Variants in SPATA31D1 observed in about 807,000 individuals in gnomAD.
The protein encoded by SPATA31D1 is SPATA31 subfamily D member 1.
In SPATA31D1, 6 loss-of-function variants were observed where a neutral mutation model predicts 13.2. That is an observed-to-expected ratio of 0.46 (90% CI 0.25 to 0.90). SPATA31D1 has a LOEUF of 0.90. Ranked by LOEUF, SPATA31D1 falls within the 40% of genes least tolerant of loss-of-function variation. The pLI, the probability that SPATA31D1 is intolerant of heterozygous loss-of-function variation, is 0.18. For missense variants in SPATA31D1, 2,445 were observed against 1,884.7 expected, an observed-to-expected ratio of 1.30 and a Z score of -5.50; for synonymous variants, 903 against 718.8, an observed-to-expected ratio of 1.26 and a Z score of -4.10.
Position 81,992,661 on chromosome 9 carries a change from C to T in SPATA31D1, c.2191C>T (p.Pro731Ser), listed in dbSNP as rs750073015. ...ELSVSERIHG[P>S]LNISLVEGQR... is the part of the protein sequence containing the mutation. ...ATCTGTGTCAGAGAGAATTCATGGACCGTTAAATATCTCTTTGGTTGAGGG... is the reference window on the plus strand; with the variant it reads ...ATCTGTGTCAGAGAGAATTCATGGATCGTTAAATATCTCTTTGGTTGAGGG... Residue 731 changes from proline to serine, a missense_variant, in exon 4 of 4, where the codon CCG (proline) becomes TCG (serine). Transcript: ENST00000344803. 6.2e-7 allele frequency: 1 copy of T among 1,613,808 alleles called. No homozygotes were observed. The highest frequency in any genetic ancestry group is 8.5e-7 in the Non-Finnish European group (1 of 1,179,730).
In SPATA31D1 at chr9:81,990,819, A is replaced by T. The variant is rs747532691; in HGVS notation, c.349A>T (p.Thr117Ser). ...CAGTCCTCGGGGCCAGCATCATGAT[A>T]CCAACCACTTTCGTCGACTGTTATG... Reference protein sequence around the residue: ...SCSPRGQHHDTNHFRRLLCPD... With the variant: ...SCSPRGQHHDSNHFRRLLCPD... The change falls in exon 4 of 4, where the codon ACC (threonine) becomes TCC (serine). Residue 117 changes from threonine to serine, a missense_variant. Thr to Ser is a moderately conservative substitution (Grantham distance 58, BLOSUM62 1). Transcript: ENST00000344803. The T allele has an allele frequency of 7.4e-6, 12 of 1,613,658 alleles. No homozygotes were observed. In the South Asian group the frequency reaches 1.2e-4, roughly 16 times the overall value.
rs546182735 is a variant in SPATA31D1, at chr9:81,990,827, C to A, written c.357C>A (p.His119Gln). The change falls in exon 4 of 4, where the codon CAC becomes CAA. Residue 119 changes from histidine to glutamine, a missense_variant. By Grantham distance (24) the His-to-Gln change is conservative (BLOSUM62 0). Coordinates refer to ENST00000344803, the MANE Select transcript of SPATA31D1 (RefSeq NM_001001670.3). ...GGGGCCAGCATCATGATACCAACCACTTTCGTCGACTGTTATGCCCAGACC... is the reference window on the plus strand; with the variant it reads ...GGGGCCAGCATCATGATACCAACCAATTTCGTCGACTGTTATGCCCAGACC... ...SPRGQHHDTN[H>Q]FRRLLCPDPV... 177 of 1,613,832 alleles carry A rather than the reference C, an allele frequency of 1.1e-4. No homozygotes were observed. Among genetic ancestry groups the A allele is most frequent in the Non-Finnish European group, 2.4e-5 (28 of 1,179,814 alleles).
chr9:81,989,218 T>A (rs1294176547), intron 1 of SPATA31D1, among the ~76,000 whole-genome samples: 1 of 152,188 alleles, frequency 6.6e-6, no homozygotes, highest in Non-Finnish European at 1.5e-5. Context: ...TAGTTTTCCA[T>A]GTGAAGCTAC....
In SPATA31D1 at chr9:81,993,516, G is replaced by A. The variant is rs543520448; in HGVS notation, c.3046G>A (p.Asp1016Asn). ...SDTDHDLIET[D>N]SKDGASTSLR... ...TACTGACCATGACCTTATAGAGACA[G>A]ATTCCAAAGACGGGGCCTCCACATC... Residue 1016 changes from aspartate to asparagine, a missense_variant, in exon 4 of 4, where the codon GAT becomes AAT. Physicochemically the swap from Asp to Asn is conservative, Grantham distance 23 (BLOSUM62 1). Coordinates refer to ENST00000344803, the MANE Select transcript of SPATA31D1 (RefSeq NM_001001670.3). The A allele has an allele frequency of 1.2e-6, 2 of 1,613,970 alleles. No homozygotes were observed. Among genetic ancestry groups the A allele is most frequent in the East Asian group, 2.2e-5 (1 of 44,860 alleles).
Position 81,990,487 on chromosome 9 carries a change from G to C in SPATA31D1, c.302+1G>C. The C allele has an allele frequency of 6.2e-7, 1 of 1,602,652 alleles. No homozygotes were observed. Among genetic ancestry groups the C allele is most frequent in the Non-Finnish European group, 8.5e-7 (1 of 1,174,088 alleles). On this transcript the variant is annotated splice_donor_variant, in intron 3 of 3. Coordinates refer to ENST00000344803, the MANE Select transcript of SPATA31D1 (RefSeq NM_001001670.3). LOFTEE classifies it high-confidence loss of function. ...GGAAGCTGCTTTCTCTTCTGAAAAGGTGATTAATCTTTCCCTTTGTGTCCT... is the reference window on the plus strand; with the variant it reads ...GGAAGCTGCTTTCTCTTCTGAAAAGCTGATTAATCTTTCCCTTTGTGTCCT...
At position 81,993,528 on chromosome 9, in the gene SPATA31D1, G is replaced by A. The variant is rs149450724; in HGVS notation, c.3058G>A (p.Gly1020Arg). The A allele has an allele frequency of 2.0e-5, 33 of 1,613,706 alleles. No homozygotes were observed. Among genetic ancestry groups the A allele is most frequent in the Non-Finnish European group, 2.6e-5 (31 of 1,179,870 alleles). Residue 1020 changes from glycine (G) to arginine (R), a missense_variant, in exon 4 of 4, where the codon GGG becomes AGG. Coordinates refer to ENST00000344803, the MANE Select transcript of SPATA31D1 (RefSeq NM_001001670.3). ...CCTTATAGAGACAGATTCCAAAGAC[G>A]GGGCCTCCACATCCCTTAGAAGAGG... ...HDLIETDSKD[G>R]ASTSLRRGTT... is the part of the protein sequence containing the mutation.
Position 81,993,633 on chromosome 9 carries a change from C to T in SPATA31D1, c.3163C>T (p.Pro1055Ser). Residue 1055 changes from proline (P) to serine (S), a missense_variant, in exon 4 of 4, where the codon CCT becomes TCT. Coordinates refer to ENST00000344803, the MANE Select transcript of SPATA31D1 (RefSeq NM_001001670.3). ...CGGTCATTCTTACCTTGTCACTTCA[C>T]CTGTCAACCAAGAAAAGCAGGGGAC... ...ILGHSYLVTS[P>S]VNQEKQGTLR... The T allele has an allele frequency of 6.2e-7, 1 of 1,614,002 alleles. No individual in the cohort carries two copies. The highest frequency in any genetic ancestry group is 1.1e-5 in the South Asian group (1 of 91,088).
At position 81,991,976 on chromosome 9, in the gene SPATA31D1, G is replaced by T. The variant is rs1267218201; in HGVS notation, c.1506G>T (p.Gln502His). ...FEDHLEQKYV[Q>H]LFWGLPSLHS... ...ACCATTTAGAGCAAAAATATGTCCAGCTCTTCTGGGGTCTCCCATCTTTGC... is the reference window on the plus strand; with the variant it reads ...ACCATTTAGAGCAAAAATATGTCCATCTCTTCTGGGGTCTCCCATCTTTGC... The change falls in exon 4 of 4, where the codon CAG (glutamine) becomes CAT (histidine). Residue 502 changes from glutamine (Q) to histidine (H), a missense_variant. Coordinates refer to ENST00000344803, the MANE Select transcript of SPATA31D1 (RefSeq NM_001001670.3). The T allele has an allele frequency of 1.2e-6, 2 of 1,613,652 alleles. No homozygotes were observed. The highest frequency in any genetic ancestry group is 1.7e-6 in the Non-Finnish European group (2 of 1,179,726).
At position 81,995,066 on chromosome 9, in the gene SPATA31D1, G is replaced by T. The variant is rs371164540; in HGVS notation, c.4596G>T (p.Arg1532=). ...TGCCACATCCAAACCCCACTTGCCG[G>T]CGTCAGGTCAGCCTGGTGTGTCCAG... ...KPVPHPNPTC[R]RQVSLVCPAV... Residue 1532 remains arginine (R), a synonymous_variant, in exon 4 of 4, where the codon CGG becomes CGT. Coordinates refer to ENST00000344803, the MANE Select transcript of SPATA31D1 (RefSeq NM_001001670.3). 76 of 1,613,258 alleles carry T rather than the reference G, an allele frequency of 4.7e-5. No individual in the cohort carries two copies. Among genetic ancestry groups the T allele is most frequent in the Admixed American group, 2.7e-4 (16 of 59,912 alleles).
Position 81,993,242 on chromosome 9 carries a change from A to C in SPATA31D1, c.2772A>C (p.Glu924Asp), listed in dbSNP as rs1481830512. Residue 924 changes from glutamate to aspartate, a missense_variant, in exon 4 of 4, where the codon GAA (glutamate) becomes GAC (aspartate). By Grantham distance (45) the Glu-to-Asp change is conservative. Transcript: ENST00000344803. ...GGGGCCTTCCCCTCAAGGTCCTTGA[A>C]TCCATAGAAATCTTCAAATCGAAAG... is the stretch of plus-strand genomic sequence containing the variant. ...MLWGLPLKVL[E>D]SIEIFKSKAD... is the part of the protein sequence containing the mutation. 1 of 1,613,846 alleles carries C rather than the reference A, an allele frequency of 6.2e-7. No homozygotes were observed. Among genetic ancestry groups the C allele is most frequent in the African/African-American group, 1.3e-5 (1 of 74,922 alleles).
chr9:81,993,237 C>T lies in SPATA31D1; in HGVS notation c.2767C>T (p.Leu923Phe), dbSNP rs1216201986. The T allele has an allele frequency of 6.2e-7, 1 of 1,613,988 alleles. No homozygotes were observed. The highest frequency in any genetic ancestry group is 8.5e-7 in the Non-Finnish European group (1 of 1,179,880). ...GCTGTGGGGCCTTCCCCTCAAGGTC[C>T]TTGAATCCATAGAAATCTTCAAATC... ...RMLWGLPLKV[L>F]ESIEIFKSKA... The change falls in exon 4 of 4, where the codon CTT (leucine) becomes TTT (phenylalanine). Residue 923 changes from leucine (L) to phenylalanine (F), a missense_variant. Physicochemically the swap from Leu to Phe is conservative, Grantham distance 22. Transcript: ENST00000344803.
Position 81,994,235 on chromosome 9 carries a change from G to T in SPATA31D1, c.3765G>T (p.Val1255=), listed in dbSNP as rs1825046452. Residue 1255 remains valine (V), a synonymous_variant, in exon 4 of 4, where the codon GTG becomes GTT. Coordinates refer to ENST00000344803, the MANE Select transcript of SPATA31D1 (RefSeq NM_001001670.3). Reference sequence around the variant, plus strand: ...GGGACATGGGAACTTCCCAGGTGGTGCATGTCCACTTGGAGGACAGCGGAA... The same window carrying T: ...GGGACATGGGAACTTCCCAGGTGGTTCATGTCCACTTGGAGGACAGCGGAA... ...SSGDMGTSQV[V]HVHLEDSGIR... is the part of the protein sequence containing the mutation. 2 of 1,614,014 alleles carry T rather than the reference G, an allele frequency of 1.2e-6. No homozygotes were observed. The highest frequency in any genetic ancestry group is 1.7e-6 in the Non-Finnish European group (2 of 1,179,896).
intron 3 of SPATA31D1, 30 bp downstream of exon 3, chr9:81,990,516 C>G: frequency 1.3e-6 from 2 of 1,566,678 alleles, no homozygotes; most frequent in Non-Finnish European, 1.7e-6. Context: ...GTGTCCTGTT[C>G]CCACCCCACT....
rs764067688 is a variant in SPATA31D1, at chr9:81,994,366, C to G, written c.3896C>G (p.Pro1299Arg). 2.5e-6 allele frequency: 4 copies of G among 1,613,850 alleles called. No individual in the cohort carries two copies. Among genetic ancestry groups the G allele is most frequent in the South Asian group, 1.1e-5 (1 of 91,084 alleles). ...GTAAACAGAGTGAGTCCTGTGAGAC[C>G]CAAAGGAGGAGAGCTTGATGGAGGG... The part of the protein sequence containing the change: ...PAVNRVSPVR[P>R]KGGELDGGDA... Residue 1299 changes from proline (P) to arginine (R), a missense_variant, in exon 4 of 4, where the codon CCC becomes CGC. Physicochemically the swap from Pro to Arg is moderately radical, Grantham distance 103. Coordinates refer to ENST00000344803, the MANE Select transcript of SPATA31D1 (RefSeq NM_001001670.3).
chr9:81,989,659 T>C (rs1824913325), intron 1 of SPATA31D1, 119 bp from the exon 2 acceptor site: 2 of 1,095,324 alleles, frequency 1.8e-6, no homozygotes, highest in Admixed American at 2.5e-5. Flanking sequence ...CATATTTCTA[T>C]TAATTAAAGA....
Position 81,993,142 on chromosome 9 carries a change from A to G in SPATA31D1, c.2672A>G (p.Glu891Gly), listed in dbSNP as rs957903854. ...GACCACTGCGTTGATACTTCCCAGG[A>G]AATTTCCTTCCTTAGTTCCAACAAA... is the stretch of plus-strand genomic sequence containing the variant. ...SEDHCVDTSQ[E>G]ISFLSSNKQK... The change falls in exon 4 of 4, where the codon GAA becomes GGA. Residue 891 changes from glutamate (E) to glycine (G), a missense_variant. Glu to Gly is a moderately conservative substitution (Grantham distance 98). Coordinates refer to ENST00000344803, the MANE Select transcript of SPATA31D1 (RefSeq NM_001001670.3). 1 of 1,613,878 alleles carries G rather than the reference A, an allele frequency of 6.2e-7. No individual in the cohort carries two copies. Among genetic ancestry groups the G allele is most frequent in the Non-Finnish European group, 8.5e-7 (1 of 1,179,898 alleles).
Position 81,993,606 on chromosome 9 carries a change from C to T in SPATA31D1, c.3136C>T (p.Leu1046Phe), listed in dbSNP as rs771703408. The T allele has an allele frequency of 1.2e-6, 2 of 1,613,956 alleles. No individual in the cohort carries two copies. Among genetic ancestry groups the T allele is most frequent in the South Asian group, 2.2e-5 (2 of 91,074 alleles). ...KLDSTSSFPI[L>F]GHSYLVTSPV... The stretch of plus-strand genomic sequence containing the variant: ...AGATTCAACAAGCTCATTCCCCATC[C>T]TCGGTCATTCTTACCTTGTCACTTC... The change falls in exon 4 of 4, where the codon CTC (leucine) becomes TTC (phenylalanine). Residue 1046 changes from leucine to phenylalanine, a missense_variant. By Grantham distance (22) the Leu-to-Phe change is conservative. Coordinates refer to ENST00000344803, the MANE Select transcript of SPATA31D1 (RefSeq NM_001001670.3).
chr9:81,993,480 C>T lies in SPATA31D1; in HGVS notation c.3010C>T (p.Gln1004Ter). The T allele has an allele frequency of 6.2e-7, 1 of 1,613,078 alleles. No individual in the cohort carries two copies. The highest frequency in any genetic ancestry group is 2.2e-5 in the East Asian group (1 of 44,822). The change falls in exon 4 of 4, where the codon CAA (glutamine) becomes TAA (stop). Residue 1004 changes from glutamine to a stop codon, truncating the protein, a stop_gained. Transcript: ENST00000344803. LOFTEE classifies it low-confidence loss of function (END_TRUNC). ...AGAAGGGCAGGGGACCCTGAGAAGA[C>T]AATTTTCTGATACTGACCATGACCT... Reference protein sequence around the residue: ...VQEGQGTLRRQFSDTDHDLIE... With the variant: ...VQEGQGTLRR
In SPATA31D1 at chr9:81,994,031, A is replaced by T; in HGVS notation, c.3561A>T (p.Pro1187=). ...CCAATGAAACTGAAATTTTCCCACCAAGAATATCAGTTCCTCAAGATCCTA... is the reference window on the plus strand; with the variant it reads ...CCAATGAAACTGAAATTTTCCCACCTAGAATATCAGTTCCTCAAGATCCTA... The part of the protein sequence containing the change: ...STSNETEIFP[P]RISVPQDPKS... Residue 1187 remains proline, a synonymous_variant, in exon 4 of 4, where the codon CCA becomes CCT. Coordinates refer to ENST00000344803, the MANE Select transcript of SPATA31D1 (RefSeq NM_001001670.3). 2 of 1,613,854 alleles carry T rather than the reference A, an allele frequency of 1.2e-6. No individual in the cohort carries two copies. The highest frequency in any genetic ancestry group is 1.7e-6 in the Non-Finnish European group (2 of 1,179,782).
Sources: allele counts gnomAD v4.1 joint callset (sites outside exome capture counted in the v4.1 genomes callset), GRCh38; gene constraint gnomAD v4.1.1; transcripts MANE v1.5; gene names NCBI Gene and HGNC (gene_info 2026-07-23, HGNC 2026-07-21).